The following ZNF423 variants were observed in gnomAD, a reference collection of about 807,000 sequenced individuals.
ZNF423 encodes the protein zinc finger protein 423, also known as Ebf-associated zinc finger protein.
In ZNF423, 12 loss-of-function variants were observed where a neutral mutation model predicts 95.8. That is an observed-to-expected ratio of 0.13 (90% confidence interval 0.08 to 0.20). The LOEUF (loss-of-function observed/expected upper bound fraction) is 0.20, where lower values mean the gene tolerates loss of function less well. ZNF423 is among the 10% of genes least tolerant of loss of function. ZNF423 has a pLI of 1.00. For missense variants in ZNF423, 1,316 were observed against 1,737.1 expected (o/e 0.76, Z 4.31); for synonymous variants, 749 against 711.9 (o/e 1.05, Z -0.83).
intron 7 of ZNF423, among the ~76,000 whole-genome samples, chr16:49,498,012 G>A (rs1001628923): frequency 1.3e-5 from 2 of 152,186 alleles, no homozygotes; most frequent in African/African-American, 4.8e-5. Context: ...GACAGCCCAG[G>A]TGAGGATTTG....
chr16:49,499,316 G>A (rs967533755), intron 7 of ZNF423, among the ~76,000 whole-genome samples: 2 of 152,202 alleles, frequency 1.3e-5, no homozygotes, highest in South Asian at 2.1e-4. Flanking sequence ...CTGCCACCCC[G>A]GAGCAGCAGG....
intron 1 of ZNF423, chr16:49,854,458 T>G: frequency 4.1e-6 from 4 of 985,418 alleles, no homozygotes; most frequent in Non-Finnish European, 3.6e-6. Context: ...CCCAGCGCCT[T>G]CCCGCGCAGG....
At chr16:49,784,042 A>C (rs1382077133) in intron 2 of ZNF423, among the ~76,000 whole-genome samples, 1 of 152,132 alleles carries the variant, frequency 6.6e-6, no homozygotes, top group Non-Finnish European at 1.5e-5. Flanking sequence ...CCTACTAGGA[A>C]GTTTAGAATT....
intron 3 of ZNF423, among the ~76,000 whole-genome samples, chr16:49,677,274 A>AGG (rs2031114420): frequency 1.3e-5 from 1 of 74,648 alleles, no homozygotes; most frequent in Non-Finnish European, 2.7e-5. Context: ...AAGAGAAGAG[A>AGG]AGAGAAGAGA....
intron 5 of ZNF423, among the ~76,000 whole-genome samples, chr16:49,568,071 G>A (rs1970247450): frequency 6.6e-6 from 1 of 152,096 alleles, no homozygotes. Flanking sequence ...CCATGTCTCT[G>A]GATAAAGAGA....
chr16:49,700,334 C>T (rs924936304), intron 3 of ZNF423, among the ~76,000 whole-genome samples: 12 of 152,186 alleles, frequency 7.9e-5, no homozygotes, highest in Admixed American at 3.3e-4. Context: ...ATCAGCACCA[C>T]AGGGCTCCCT....
intron 5 of ZNF423, among the ~76,000 whole-genome samples, chr16:49,543,168 C>A (rs1397991977): frequency 1.3e-5 from 2 of 152,138 alleles, no homozygotes; most frequent in African/African-American, 4.8e-5. Flanking sequence ...AACAAATCAC[C>A]CCCTCAGCTG....
At chr16:49,648,985 C>T (rs1973286715) in intron 3 of ZNF423, among the ~76,000 whole-genome samples, 1 of 152,148 alleles carries the variant, frequency 6.6e-6, no homozygotes, top group Admixed American at 6.5e-5. Flanking sequence ...CCATGACATA[C>T]ACAGGAGACT....
At chr16:49,739,846 A>G (rs2033377280) in intron 2 of ZNF423, among the ~76,000 whole-genome samples, 1 of 151,040 alleles carries the variant, frequency 6.6e-6, no homozygotes, top group Non-Finnish European at 1.5e-5. Context: ...TTACAGATGC[A>G]CCATCAGACC....
At chr16:49,615,379 T>C (rs2151849801) in intron 5 of ZNF423, among the ~76,000 whole-genome samples, 1 of 152,292 alleles carries the variant, frequency 6.6e-6, no homozygotes, top group East Asian at 1.9e-4. Context: ...TCAAACTTAC[T>C]TAGCCTGTAT....
chr16:49,646,568 C>CTTTTTTTTTTTTTTTTTTTT, intron 3 of ZNF423, among the ~76,000 whole-genome samples: 6 of 120,718 alleles, frequency 5.0e-5, no homozygotes, highest in Non-Finnish European at 1.1e-4. Flanking sequence ...ATTTTCTTTT[C>CTTTTTTTTTTTTTTTTTTTT]TTTTTCTTTT....
intron 3 of ZNF423, among the ~76,000 whole-genome samples, chr16:49,677,273 G>GAAGAGAAGAGAAGAGAAGAGAAGAA (rs2031114300): frequency 1.4e-5 from 1 of 73,198 alleles, no homozygotes; most frequent in East Asian, 5.3e-4. Flanking sequence ...GAAGAGAAGA[G>GAAGAGAAGAGAAGAGAAGAGAAGAA]AAGAGAAGAG....
chr16:49,773,736 G>A (rs957507480), intron 2 of ZNF423, among the ~76,000 whole-genome samples: 1 of 152,220 alleles, frequency 6.6e-6, no homozygotes, highest in Non-Finnish European at 1.5e-5. Context: ...TGGGCAAGAT[G>A]CCTAGCCTCT....
chr16:49,671,751 T>C (rs2151926312), intron 3 of ZNF423, among the ~76,000 whole-genome samples: 1 of 152,270 alleles, frequency 6.6e-6, no homozygotes, highest in East Asian at 1.9e-4. Context: ...TGGTGCGATC[T>C]CGGCTCATTA....
chr16:49,752,541 G>A (rs767742412), intron 2 of ZNF423, among the ~76,000 whole-genome samples: 1 of 152,226 alleles, frequency 6.6e-6, no homozygotes, highest in Non-Finnish European at 1.5e-5. Flanking sequence ...AGGCCAGGGA[G>A]ACTGTCTAGG....
intron 3 of ZNF423, among the ~76,000 whole-genome samples, chr16:49,713,583 C>T (rs1027208766): frequency 1.3e-5 from 2 of 152,214 alleles, no homozygotes; most frequent in Non-Finnish European, 2.9e-5. Flanking sequence ...TGATGCCCCA[C>T]TCCTGGACAG....
intron 2 of ZNF423, among the ~76,000 whole-genome samples, chr16:49,757,114 G>A (rs1425891365): frequency 3.9e-5 from 6 of 152,098 alleles, no homozygotes; most frequent in Middle Eastern, 3.2e-3. Context: ...TTTCCATTAC[G>A]CTGTGCAATG....
chr16:49,687,469 C>T lies in ZNF423; in HGVS notation c.301+43302G>A, dbSNP rs576301122. 2.6e-5 allele frequency among the ~76,000 whole-genome samples: 4 copies of T among 152,218 alleles called. No homozygotes were observed. In the South Asian group the frequency reaches 6.2e-4, roughly 24 times the overall value. On this transcript the variant is annotated intron_variant, in intron 3 of 7. Transcript: ENST00000563137. ...CTCTGCCCAGCCCTGATTATGCCCGCGTTTAAAAATAAGATGTGAAAGATG... is the reference window on the plus strand; with the variant it reads ...CTCTGCCCAGCCCTGATTATGCCCGTGTTTAAAAATAAGATGTGAAAGATG...
intron 3 of ZNF423, among the ~76,000 whole-genome samples, chr16:49,723,061 T>C (rs557227816): frequency 2.0e-5 from 3 of 151,216 alleles, no homozygotes; most frequent in East Asian, 1.9e-4. Context: ...GTTCATGCCA[T>C]TCTCCTGCCT....
Sources: gnomAD v4.1 joint callset for allele counts (sites outside exome capture counted in the v4.1 genomes callset) on GRCh38, gnomAD v4.1.1 for gene constraint, MANE v1.5 for transcripts, NCBI Gene and HGNC (gene_info 2026-07-23, HGNC 2026-07-21) for gene names.